The following IL1RAP variants were observed in gnomAD, a reference collection of about 807,000 sequenced individuals.
The protein encoded by IL1RAP is interleukin-1 receptor accessory protein.
A neutral mutation model predicts 60.7 loss-of-function variants in IL1RAP; 35 were observed. The observed-to-expected ratio is 0.58, with a 90% confidence interval of 0.44 to 0.76. The LOEUF (loss-of-function observed/expected upper bound fraction) is 0.76. Ranked by LOEUF, IL1RAP falls within the 30% of genes least tolerant of loss-of-function variation. IL1RAP has a pLI of 0.00. For missense variants in IL1RAP, 572 were observed against 693.9 expected (o/e 0.82, Z 1.97); for synonymous variants, 268 against 250.9 (o/e 1.07, Z -0.64).
intron 2 of IL1RAP, among the ~76,000 whole-genome samples, chr3:190,557,910 A>G (rs1269665510): frequency 1.3e-5 from 2 of 152,174 alleles, no homozygotes; most frequent in Non-Finnish European, 2.9e-5. Flanking sequence ...CTGTTTCTCC[A>G]AACAACTCTC....
chr3:190,529,843 G>A (rs2108532191), intron 1 of IL1RAP, among the ~76,000 whole-genome samples: 1 of 147,658 alleles, frequency 6.8e-6, no homozygotes, highest in South Asian at 2.2e-4. Flanking sequence ...GGGCAACAGA[G>A]CGAGACTCTG....
intron 3 of IL1RAP, among the ~76,000 whole-genome samples, chr3:190,602,235 A>G (rs1037948250): frequency 2.6e-5 from 4 of 152,212 alleles, no homozygotes; most frequent in African/African-American, 9.7e-5. Context: ...TTGTGGAACT[A>G]AGCTCCTTTA....
At chr3:190,605,201 A>G (rs900776598) in intron 4 of IL1RAP, among the ~76,000 whole-genome samples, 2 of 152,206 alleles carry the variant, frequency 1.3e-5, no homozygotes, top group African/African-American at 2.4e-5. Context: ...CTAAGGATAT[A>G]ATCCAAACAA....
rs1264962887 is a variant in IL1RAP at position 190,609,200 on chromosome 3, C to T, written c.537+19C>T. On this transcript the variant is annotated intron_variant, in intron 5 of 11. Coordinates refer to ENST00000447382, the MANE Select transcript of IL1RAP (RefSeq NM_002182.4). ...GTATATGGTAAGGAAAATTAGACTA[C>T]ATTTTATTCTCTCTAATGGCTTATA... is the stretch of plus-strand genomic sequence containing the variant. 1.3e-6 allele frequency: 2 copies of T among 1,529,160 alleles called. No individual in the cohort carries two copies. The highest frequency in any genetic ancestry group is 2.3e-5 in the South Asian group (2 of 85,386). 94.7% of individuals were successfully genotyped at this position (1,529,160 alleles called of 1,614,324 possible). A position where few individuals can be genotyped will look rare whatever the true frequency, so the allele number is the denominator to read the frequency against.
At chr3:190,603,762 G>A (rs1347414398) in intron 3 of IL1RAP, among the ~76,000 whole-genome samples, 1 of 152,096 alleles carries the variant, frequency 6.6e-6, no homozygotes, top group Non-Finnish European at 1.5e-5. Flanking sequence ...TCTCCCATTT[G>A]CCCAAGGATT....
intron 8 of IL1RAP, among the ~76,000 whole-genome samples, chr3:190,628,266 A>G (rs1018721782): frequency 6.6e-6 from 1 of 152,170 alleles, no homozygotes; most frequent in East Asian, 1.9e-4. Context: ...ATGACAAAGT[A>G]ATGTAGCTGG....
chr3:190,608,137 C>A (rs1295692533), intron 4 of IL1RAP, among the ~76,000 whole-genome samples: 2 of 152,134 alleles, frequency 1.3e-5, no homozygotes, highest in African/African-American at 4.8e-5. Flanking sequence ...TGTTGAACAG[C>A]AGAACAGGGG....
intron 1 of IL1RAP, among the ~76,000 whole-genome samples, chr3:190,555,267 T>C (rs979439245): frequency 6.6e-6 from 1 of 152,144 alleles, no homozygotes; most frequent in Admixed American, 6.5e-5. Flanking sequence ...TCAAATGGCG[T>C]CACATTGCCC....
intron 7 of IL1RAP, chr3:190,624,619 TA>T (rs5855343): frequency 0.68 from 117,408 of 172,468 alleles, 40,315 homozygotes; most frequent in East Asian, 0.8. Context: ...TGCCATTCAA[TA>T]AAAAAAAAAG....
chr3:190,593,420 T>C (rs1246326694), intron 3 of IL1RAP, among the ~76,000 whole-genome samples: 1 of 152,230 alleles, frequency 6.6e-6, no homozygotes, highest in Non-Finnish European at 1.5e-5. Context: ...TTTGGGTAGC[T>C]CTACCCTGAA....
intron 4 of IL1RAP, among the ~76,000 whole-genome samples, chr3:190,606,554 C>T (rs1352868496): frequency 1.3e-5 from 2 of 152,228 alleles, no homozygotes; most frequent in African/African-American, 4.8e-5. Context: ...TAATTACTTA[C>T]TACTTGCCTG....
chr3:190,544,796 G>A (rs1163092471), intron 1 of IL1RAP, among the ~76,000 whole-genome samples: 1 of 152,158 alleles, frequency 6.6e-6, no homozygotes, highest in Admixed American at 6.5e-5. Context: ...CATCCTGAAA[G>A]GCCCTGAAAG....
intron 1 of IL1RAP, among the ~76,000 whole-genome samples, chr3:190,539,536 A>G (rs56007925): frequency 0.17 from 26,271 of 151,868 alleles, 3,035 homozygotes; most frequent in Middle Eastern, 0.28. Flanking sequence ...TCATCTGTAC[A>G]TATTTCTTTT....
At position 190,648,416 on chromosome 3, in the gene IL1RAP, A is replaced by G. The variant is rs371297676; in HGVS notation, c.1424A>G (p.Gln475Arg). 5.6e-6 allele frequency: 9 copies of G among 1,613,980 alleles called. No homozygotes were observed. The highest frequency in any genetic ancestry group is 4.4e-5 in the South Asian group (4 of 91,076). ...GTTCTAAGCCCCAACTACGTGCTCC[A>G]GGGAACCCAAGCCCTCCTGGAGCTC... The part of the protein sequence containing the change: ...LVVLSPNYVL[Q>R]GTQALLELKA... The change falls in exon 12 of 12, where the codon CAG (glutamine) becomes CGG (arginine). Residue 475 changes from glutamine to arginine, a missense_variant. Physicochemically the swap from Gln to Arg is conservative, Grantham distance 43. Transcript: ENST00000447382.
chr3:190,600,518 A>G (rs1416556196), intron 3 of IL1RAP, among the ~76,000 whole-genome samples: 1 of 152,242 alleles, frequency 6.6e-6, no homozygotes, highest in Admixed American at 6.5e-5. Context: ...CTGCCTTCAA[A>G]GAACAAAGTT....
At chr3:190,576,671 A>T (rs1727479874) in intron 3 of IL1RAP, among the ~76,000 whole-genome samples, 1 of 152,212 alleles carries the variant, frequency 6.6e-6, no homozygotes, top group Non-Finnish European at 1.5e-5. Flanking sequence ...CACCTGGAAT[A>T]GGCTTTGTGG....
At chr3:190,603,782 A>G (rs1730053340) in intron 3 of IL1RAP, among the ~76,000 whole-genome samples, 1 of 152,156 alleles carries the variant, frequency 6.6e-6, no homozygotes, top group Non-Finnish European at 1.5e-5. Flanking sequence ...TGTCTTTTTC[A>G]GTTACAATTT....
intron 1 of IL1RAP, among the ~76,000 whole-genome samples, chr3:190,547,526 C>T (rs1257119399): frequency 6.6e-6 from 1 of 152,152 alleles, no homozygotes; most frequent in Non-Finnish European, 1.5e-5. Flanking sequence ...TTAGGGCTTA[C>T]TTTTTTGGCT....
At chr3:190,629,143 T>C (rs16865719) in intron 8 of IL1RAP, among the ~76,000 whole-genome samples, 3,224 of 152,320 alleles carry the variant, frequency 0.021, 103 homozygotes, top group African/African-American at 0.073. Context: ...GACAATGGGA[T>C]AGTGTGTAGC....
Sources: allele counts gnomAD v4.1 joint callset (sites outside exome capture counted in the v4.1 genomes callset), GRCh38; gene constraint gnomAD v4.1.1; transcripts MANE v1.5; gene names NCBI Gene and HGNC (gene_info 2026-07-23, HGNC 2026-07-21).